Variants in OR2L13 observed in about 807,000 individuals in gnomAD.
OR2L13 encodes olfactory receptor 2L13.
Under a neutral mutation model 15.3 loss-of-function variants are expected in OR2L13, and 14 were observed. The ratio of observed to expected loss-of-function variants is 0.91; its 90% confidence interval spans 0.60 to 1.43. The LOEUF (loss-of-function observed/expected upper bound fraction) is 1.43. Ranked by LOEUF, OR2L13 falls within the 40% of genes most tolerant of loss-of-function variation. OR2L13 has a pLI of 0.00. For synonymous variants in OR2L13, 152 were observed against 142.9 expected (o/e 1.06, Z -0.45); for missense variants, 367 against 387.9 (o/e 0.95, Z 0.45).
the OR2L13 span, among the ~76,000 whole-genome samples, chr1:248,031,850 T>C: frequency 1.3e-5 from 2 of 152,160 alleles, no homozygotes; most frequent in Admixed American, 1.3e-4. Flanking sequence ...AATAGGGTAC[T>C]CAGTTATAAT....
Position 248,099,689 on chromosome 1 carries a change from C to CCATG in OR2L13, c.315_318dup (p.Ala107HisfsTer5), listed in dbSNP as rs1558223753. 6.2e-7 allele frequency: 1 copy of CCATG among 1,614,168 alleles called. No individual in the cohort carries two copies. The highest frequency in any genetic ancestry group is 1.1e-5 in the South Asian group (1 of 91,078). On this transcript the variant is annotated frameshift_variant, in exon 3 of 3. Coordinates refer to ENST00000641714, the Ensembl canonical transcript of OR2L13. LOFTEE classifies it high-confidence loss of function. ...GGTGTGCAAAGCTTCTTCTTCCTGA[C>CCATG]CATGGCGTGTTCTGAAGGCTTACTC...
At chr1:248,013,602 A>T in the OR2L13 span, 1 of 152,158 alleles carries the variant, frequency 6.6e-6, no homozygotes, top group Non-Finnish European at 1.5e-5. Context: ...TGTAGGGATG[A>T]TCAATGAATG....
the OR2L13 span, among the ~76,000 whole-genome samples, chr1:247,984,047 T>C: frequency 2.6e-5 from 4 of 152,094 alleles, no homozygotes; most frequent in Non-Finnish European, 5.9e-5. Context: ...TGAGGCAATC[T>C]CCTAGTGGGA....
chr1:247,957,168 T>C, the OR2L13 span, among the ~76,000 whole-genome samples: 3 of 152,234 alleles, frequency 2.0e-5, no homozygotes, highest in East Asian at 1.9e-4. Context: ...TGTTGAATTT[T>C]GTCGAAGGCC....
At chr1:248,061,309 T>G in the OR2L13 span, 1 of 1,613,264 alleles carries the variant, frequency 6.2e-7, no homozygotes, top group African/African-American at 1.3e-5. Flanking sequence ...CGTGTTTCCC[T>G]TCATTGCTAT....
At chr1:247,972,349 A>G in the OR2L13 span, among the ~76,000 whole-genome samples, 1 of 113,244 alleles carries the variant, frequency 8.8e-6, no homozygotes, top group African/African-American at 3.1e-5. Context: ...TTTTGAAAAG[A>G]TTAACAAAAT....
chr1:247,960,684 C>T, the OR2L13 span, among the ~76,000 whole-genome samples: 721 of 152,328 alleles, frequency 4.7e-3, 11 homozygotes, highest in African/African-American at 0.016. Flanking sequence ...GCAGTTGGAT[C>T]TCAGACTGCT....
chr1:247,997,859 G>A, the OR2L13 span, among the ~76,000 whole-genome samples: 1 of 152,092 alleles, frequency 6.6e-6, no homozygotes, highest in Non-Finnish European at 1.5e-5. Context: ...CAAAACAACT[G>A]TTAATCTCAT....
chr1:248,006,673 G>T, the OR2L13 span, among the ~76,000 whole-genome samples: 1 of 152,092 alleles, frequency 6.6e-6, no homozygotes, highest in Non-Finnish European at 1.5e-5. Context: ...AGGAGTTGGG[G>T]CCTTTTGGGA....
the OR2L13 span, among the ~76,000 whole-genome samples, chr1:247,968,353 T>A: frequency 1.6e-4 from 25 of 152,264 alleles, no homozygotes; most frequent in South Asian, 8.3e-4. Flanking sequence ...TTATTTATTT[T>A]TTTTAGTATA....
At chr1:247,943,213 G>A in the OR2L13 span, among the ~76,000 whole-genome samples, 11 of 152,236 alleles carry the variant, frequency 7.2e-5, no homozygotes, top group African/African-American at 2.6e-4. Context: ...AAATAAGTGG[G>A]AGCTAAACAT....
At chr1:248,070,510 A>G in the OR2L13 span, among the ~76,000 whole-genome samples, 1 of 152,360 alleles carries the variant, frequency 6.6e-6, no homozygotes, top group East Asian at 1.9e-4. Flanking sequence ...CTAAATGCCC[A>G]CAAGAGAAAG....
At chr1:248,095,076 G>C (rs755801709), upstream of OR2L13, 3 of 152,174 alleles carry the variant, frequency 2.0e-5, no homozygotes, top group Non-Finnish European at 4.4e-5. Flanking sequence ...AAGTGACCAA[G>C]GTTTTGGCCC....
upstream of OR2L13, among the ~76,000 whole-genome samples, chr1:248,093,794 C>T (rs1408503444): frequency 2.6e-5 from 4 of 151,920 alleles, no homozygotes; most frequent in African/African-American, 9.7e-5. Flanking sequence ...TTTTCATTAT[C>T]CATTATATTA....
At chr1:247,962,437 GACA>G in the OR2L13 span, among the ~76,000 whole-genome samples, 1 of 151,804 alleles carries the variant, frequency 6.6e-6, no homozygotes, top group African/African-American at 2.4e-5. Flanking sequence ...CTGGCTGTGT[GACA>G]CTGATTTAAA....
chr1:247,985,255 C>G, the OR2L13 span, among the ~76,000 whole-genome samples: 2 of 151,910 alleles, frequency 1.3e-5, no homozygotes, highest in African/African-American at 4.8e-5. Context: ...CTCCCTCCTT[C>G]CCCTACCCCC....
At chr1:248,038,909 A>G in the OR2L13 span, 8,312 of 1,614,080 alleles carry the variant, frequency 5.1e-3, 40 homozygotes, top group Admixed American at 6.0e-3. Flanking sequence ...CTGGTATTGC[A>G]TGTTCCTATG....
the OR2L13 span, among the ~76,000 whole-genome samples, chr1:248,045,118 A>G: frequency 6.6e-6 from 1 of 152,222 alleles, no homozygotes; most frequent in Non-Finnish European, 1.5e-5. Context: ...TCTTTGGGAC[A>G]TAGAATGGGG....
At chr1:248,060,733 C>T in the OR2L13 span, 2 of 1,614,014 alleles carry the variant, frequency 1.2e-6, no homozygotes, top group Non-Finnish European at 1.7e-6. Flanking sequence ...AGGATTCTTC[C>T]CACCATCAAG....
Sources: gnomAD v4.1 joint callset for allele counts (sites outside exome capture counted in the v4.1 genomes callset) on GRCh38, gnomAD v4.1.1 for gene constraint, MANE v1.5 for transcripts, NCBI Gene and HGNC (gene_info 2026-07-23, HGNC 2026-07-21) for gene names.